THSD7A: variants seen among roughly 807,000 people sequenced by gnomAD.
The protein encoded by THSD7A is thrombospondin type-1 domain-containing protein 7A.
Under a neutral mutation model 231.3 loss-of-function variants are expected in THSD7A, and 96 were observed. That is an observed-to-expected ratio of 0.41 (90% CI 0.35 to 0.49). The LOEUF is 0.49. Ranked by LOEUF, THSD7A falls within the 20% of genes least tolerant of loss-of-function variation. THSD7A has a pLI of 0.05. For missense variants in THSD7A, 2,290 were observed against 2,070.2 expected, an observed-to-expected ratio of 1.11 and a Z score of -2.06; for synonymous variants, 940 against 743.3, an observed-to-expected ratio of 1.26 and a Z score of -4.30.
intron 1 of THSD7A, among the ~76,000 whole-genome samples, chr7:11,773,866 A>T (rs1783316655): frequency 6.6e-6 from 1 of 152,170 alleles, no homozygotes; most frequent in Non-Finnish European, 1.5e-5. Context: ...TAACAATAAG[A>T]AAAAACAATC....
At chr7:11,413,245 T>G (rs1256617128) in intron 17 of THSD7A, among the ~76,000 whole-genome samples, 2 of 152,014 alleles carry the variant, frequency 1.3e-5, no homozygotes, top group African/African-American at 4.8e-5. Context: ...TACATGCATA[T>G]AAACAATTCT....
intron 7 of THSD7A, among the ~76,000 whole-genome samples, chr7:11,479,685 T>A (rs761889065): frequency 1.3e-5 from 2 of 152,176 alleles, no homozygotes; most frequent in Non-Finnish European, 2.9e-5. Context: ...CAACAAATAA[T>A]AGGTACTAAG....
chr7:11,460,494 A>G (rs908334843), intron 11 of THSD7A, among the ~76,000 whole-genome samples, 168 bp downstream of exon 11: 1 of 152,210 alleles, frequency 6.6e-6, no homozygotes, highest in African/African-American at 2.4e-5. Context: ...AATGGGAACA[A>G]TTTAAAAAGA....
chr7:11,633,564 G>A (rs1252762916), intron 2 of THSD7A, among the ~76,000 whole-genome samples: 2 of 152,170 alleles, frequency 1.3e-5, no homozygotes, highest in Admixed American at 6.5e-5. Flanking sequence ...GAGTGTTCAT[G>A]AAAGCTGTAA....
At chr7:11,405,648 T>C (rs977656634) in intron 22 of THSD7A, among the ~76,000 whole-genome samples, 1 of 152,182 alleles carries the variant, frequency 6.6e-6, no homozygotes, top group South Asian at 2.1e-4. Context: ...ATTTTTTCCA[T>C]ACTATTTGAT....
rs772832001 is a variant in THSD7A at position 11,451,867 on chromosome 7, CAAG to C, written c.2606-4446_2606-4444del. Among the ~76,000 whole-genome samples the C allele has an allele frequency of 2.8e-4, 43 of 152,072 alleles. No homozygotes were observed. The East Asian group carries it at 7.8e-3, about 27-fold the overall frequency. ...AAATTTCCTTATTATTCAGGTTTCACAAGAAGAAGGTGTTCTATTGCTCAGTGA... is the reference window on the plus strand; with the variant it reads ...AAATTTCCTTATTATTCAGGTTTCACAAGAAGGTGTTCTATTGCTCAGTGA... On this transcript the variant is annotated intron_variant, in intron 11 of 27. Coordinates refer to ENST00000423059, the MANE Select transcript of THSD7A (RefSeq NM_015204.3).
chr7:11,780,367 G>A (rs995328873), intron 1 of THSD7A, among the ~76,000 whole-genome samples: 2 of 152,158 alleles, frequency 1.3e-5, no homozygotes, highest in African/African-American at 2.4e-5. Flanking sequence ...GAAAATGCAT[G>A]ACTTTCGTGG....
At chr7:11,533,820 A>C (rs941014429) in intron 6 of THSD7A, among the ~76,000 whole-genome samples, 1 of 152,158 alleles carries the variant, frequency 6.6e-6, no homozygotes, top group East Asian at 1.9e-4. Flanking sequence ...AAGTGCAGCA[A>C]ACCACCATGG....
At chr7:11,782,350 A>T (rs1443008710) in intron 1 of THSD7A, among the ~76,000 whole-genome samples, 8 of 152,106 alleles carry the variant, frequency 5.3e-5, no homozygotes, top group Non-Finnish European at 1.0e-4. Context: ...ATTTTTCGAG[A>T]TGGGCCTATG....
chr7:11,723,412 A>T (rs560575815), intron 1 of THSD7A, among the ~76,000 whole-genome samples: 4 of 151,904 alleles, frequency 2.6e-5, no homozygotes, highest in Non-Finnish European at 5.9e-5. Flanking sequence ...CAAATATGGC[A>T]CATGTATACA....
At chr7:11,794,645 T>C (rs1399113081) in intron 1 of THSD7A, among the ~76,000 whole-genome samples, 1 of 151,992 alleles carries the variant, frequency 6.6e-6, no homozygotes, top group African/African-American at 2.4e-5. Context: ...TCCAGTAAGC[T>C]TTAATATCAT....
At chr7:11,714,777 C>T (rs924801384) in intron 1 of THSD7A, among the ~76,000 whole-genome samples, 2 of 151,296 alleles carry the variant, frequency 1.3e-5, no homozygotes, top group African/African-American at 4.8e-5. Context: ...TACTCTTTCT[C>T]CTTATTCTCT....
chr7:11,649,941 C>A (rs775094753), intron 1 of THSD7A, among the ~76,000 whole-genome samples: 15 of 152,002 alleles, frequency 9.9e-5, no homozygotes, highest in Non-Finnish European at 1.6e-4. Context: ...CAATCAAGAT[C>A]TCTGCCAACT....
intron 4 of THSD7A, among the ~76,000 whole-genome samples, chr7:11,575,194 G>T (rs192808511): frequency 6.6e-6 from 1 of 152,056 alleles, no homozygotes; most frequent in Non-Finnish European, 1.5e-5. Flanking sequence ...TCAAATTAAC[G>T]CATTTTGATC....
chr7:11,750,406 T>C (rs1335849137), intron 1 of THSD7A, among the ~76,000 whole-genome samples: 1 of 151,874 alleles, frequency 6.6e-6, no homozygotes, highest in East Asian at 1.9e-4. Flanking sequence ...GTGAAAGAAT[T>C]CGTTCGAAAA....
At chr7:11,542,400 G>GTC (rs1419179618) in intron 5 of THSD7A, among the ~76,000 whole-genome samples, 1 of 152,162 alleles carries the variant, frequency 6.6e-6, no homozygotes, top group Non-Finnish European at 1.5e-5. Flanking sequence ...AGCTCACCAC[G>GTC]TCTACCATAA....
At chr7:11,414,184 A>G (rs1783882935) in intron 17 of THSD7A, 1 of 152,250 alleles carries the variant, frequency 6.6e-6, no homozygotes, top group Admixed American at 6.5e-5. Flanking sequence ...ACCAACCAGC[A>G]TTTCTTCCTA....
chr7:11,794,726 C>G (rs1410406257), intron 1 of THSD7A, among the ~76,000 whole-genome samples: 2 of 151,834 alleles, frequency 1.3e-5, no homozygotes, highest in African/African-American at 2.4e-5. Context: ...AGTCTTTTTG[C>G]CAGTGAGGCA....
chr7:11,739,510 C>G (rs1393197715), intron 1 of THSD7A, among the ~76,000 whole-genome samples: 1 of 151,898 alleles, frequency 6.6e-6, no homozygotes, highest in Non-Finnish European at 1.5e-5. Context: ...TATTGATAGC[C>G]AGATGAGTAC....
Sources: gnomAD v4.1 joint callset for allele counts (sites outside exome capture counted in the v4.1 genomes callset) on GRCh38, gnomAD v4.1.1 for gene constraint, MANE v1.5 for transcripts, NCBI Gene and HGNC (gene_info 2026-07-23, HGNC 2026-07-21) for gene names.